WDR41: variants seen among roughly 807,000 people sequenced by gnomAD.
WDR41 encodes the protein WD repeat-containing protein 41.
In WDR41, 63 loss-of-function variants were observed where a neutral mutation model predicts 69.3. The observed-to-expected ratio is 0.91, with a 90% CI of 0.74 to 1.12. The LOEUF is 1.12. WDR41 is among the 50% of genes most tolerant of loss of function. The pLI, the probability that WDR41 is intolerant of heterozygous loss-of-function variation, is 0.00. For synonymous variants in WDR41, 185 were observed against 192.1 expected (o/e 0.96, Z 0.31); for missense variants, 543 against 534.5 (o/e 1.02, Z -0.16).
chr5:77,477,974 A>G (rs2112038109), intron 2 of WDR41, among the ~76,000 whole-genome samples: 1 of 151,880 alleles, frequency 6.6e-6, no homozygotes, highest in African/African-American at 2.4e-5. Flanking sequence ...TAGATGCAAT[A>G]AAAAATGATA....
At chr5:77,454,039 C>T (rs1799729204) in intron 5 of WDR41, 111 bp from the exon 6 acceptor site, 3 of 751,614 alleles carry the variant, frequency 4.0e-6, no homozygotes, top group Non-Finnish European at 4.5e-6. Context: ...CTAGGTGGAG[C>T]TTATTTCTCC....
intron 8 of WDR41, among the ~76,000 whole-genome samples, chr5:77,449,426 C>G (rs1799534376): frequency 6.6e-6 from 1 of 152,160 alleles, no homozygotes; most frequent in African/African-American, 2.4e-5. Context: ...TTTCCAATCT[C>G]TCTACAAAAG....
chr5:77,436,404 G>C lies in WDR41; in HGVS notation c.1094-10C>G, dbSNP rs374291603. On this transcript the variant is annotated splice_polypyrimidine_tract_variant and intron_variant, in intron 11 of 12. Transcript: ENST00000296679. Reference sequence around the variant, plus strand: ...CACATGTTAAAAAAACCTAGAAAAAGAATCATTTCCAAAATTACTGTGCTC... The same window carrying C: ...CACATGTTAAAAAAACCTAGAAAAACAATCATTTCCAAAATTACTGTGCTC... 6.2e-7 allele frequency: 1 copy of C among 1,613,286 alleles called. No individual in the cohort carries two copies. Among genetic ancestry groups the C allele is most frequent in the Non-Finnish European group, 8.5e-7 (1 of 1,179,624 alleles).
chr5:77,436,424 G>A (rs74697974), intron 11 of WDR41, 30 bp from the exon 12 acceptor site: 68,852 of 1,612,392 alleles, frequency 0.043, 1,695 homozygotes, highest in Middle Eastern at 0.084. Flanking sequence ...CAAAATTACT[G>A]TGCTCTGTAC....
chr5:77,449,200 G>T (rs1299752554), intron 8 of WDR41, among the ~76,000 whole-genome samples: 1 of 151,852 alleles, frequency 6.6e-6, no homozygotes, highest in Admixed American at 6.6e-5. Context: ...AATCATTTAG[G>T]AAGCCAAATA....
At chr5:77,443,269 T>C (rs1017004845) in intron 8 of WDR41, among the ~76,000 whole-genome samples, 8 of 152,200 alleles carry the variant, frequency 5.3e-5, no homozygotes, top group African/African-American at 1.9e-4. Context: ...TATTCCACAT[T>C]AATCGTATTA....
At chr5:77,548,324 C>CA (rs1443289552) in intron 1 of WDR41, among the ~76,000 whole-genome samples, 1 of 152,196 alleles carries the variant, frequency 6.6e-6, no homozygotes, top group East Asian at 1.9e-4. Flanking sequence ...GCAAAAGGAA[C>CA]AGTCAGCAGA....
chr5:77,602,921 G>A lies in WDR41; in HGVS notation c.42+17558C>T, dbSNP rs192869832. On this transcript the variant is annotated intron_variant, in intron 1 of 5. Coordinates refer to the WDR41 transcript ENST00000509971. ...TTCCCTTTTCTTTGCATCCTCACCA[G>A]CATCTGTTATTTTTTTGTCTTTTTT... is the stretch of plus-strand genomic sequence containing the variant. 1.4e-4 allele frequency among the ~76,000 whole-genome samples: 21 copies of A among 150,252 alleles called. 1 individual carries two copies. Among genetic ancestry groups the A allele is most frequent in the Admixed American group, 1.3e-3 (19 of 15,080 alleles).
intron 6 of WDR41, 78 bp from the exon 7 acceptor site, chr5:77,451,431 T>C: frequency 1.5e-6 from 2 of 1,351,110 alleles, no homozygotes; most frequent in East Asian, 4.6e-5. Context: ...CTCAGTTTTA[T>C]GTCAGTCGTT....
intron 1 of WDR41, among the ~76,000 whole-genome samples, chr5:77,489,946 G>T (rs1801695033): frequency 6.6e-6 from 1 of 152,118 alleles, no homozygotes; most frequent in African/African-American, 2.4e-5. Context: ...GTTAAAATGT[G>T]GCAGAAACAA....
At chr5:77,472,910 GA>G (rs1320919103) in intron 2 of WDR41, among the ~76,000 whole-genome samples, 12 of 152,040 alleles carry the variant, frequency 7.9e-5, no homozygotes, top group Admixed American at 2.0e-4. Flanking sequence ...CACAGAATTG[GA>G]AAAAACTACT....
At chr5:77,437,849 C>A (rs959160271) in intron 10 of WDR41, among the ~76,000 whole-genome samples, 5 of 152,152 alleles carry the variant, frequency 3.3e-5, no homozygotes, top group African/African-American at 1.2e-4. Context: ...GACAGGAAAC[C>A]ACTCACTTAG....
chr5:77,456,754 T>G (rs1271148051), intron 5 of WDR41, among the ~76,000 whole-genome samples: 1 of 152,168 alleles, frequency 6.6e-6, no homozygotes, highest in Non-Finnish European at 1.5e-5. Flanking sequence ...CAGGCTAGAG[T>G]GCAGTGGCAC....
Position 77,463,131 on chromosome 5 carries a change from TTGA to T in WDR41, c.309_311del (p.Asn103_Gln104delinsLys). The T allele has an allele frequency of 6.2e-7, 1 of 1,612,482 alleles. No homozygotes were observed. Among genetic ancestry groups the T allele is most frequent in the Non-Finnish European group, 8.5e-7 (1 of 1,179,294 alleles). On this transcript the variant is annotated inframe_deletion, in exon 4 of 13. Transcript: ENST00000296679. ...TATCAGCAGAGGCTGTCAAGATGAG[TTGA>T]TTTTTCTCTTCACAAGATTCCAAGG...
intron 1 of WDR41, among the ~76,000 whole-genome samples, chr5:77,548,398 A>G (rs1323150122): frequency 6.6e-6 from 1 of 152,246 alleles, no homozygotes; most frequent in African/African-American, 2.4e-5. Context: ...CAAAGGACTA[A>G]TATCCAGAAT....
At chr5:77,568,000 T>G (rs924454738) in intron 1 of WDR41, among the ~76,000 whole-genome samples, 2 of 152,138 alleles carry the variant, frequency 1.3e-5, no homozygotes, top group Admixed American at 6.6e-5. Flanking sequence ...ATCTTTTTTT[T>G]TCTTGTTCCA....
chr5:77,436,277 T>A lies in WDR41; in HGVS notation c.1211A>T (p.His404Leu), dbSNP rs752359591. 6.2e-7 allele frequency: 1 copy of A among 1,613,860 alleles called. No individual in the cohort carries two copies. Among genetic ancestry groups the A allele is most frequent in the South Asian group, 1.1e-5 (1 of 91,036 alleles). Reference protein sequence around the residue: ...SLELIGDLIGHSSSVEMFLYF... With the variant: ...SLELIGDLIGLSSSVEMFLYF... Reference sequence around the variant, plus strand: ...CAGCAATACCTCCACAGATGATGAGTGTCCAATCAAATCTCCAATAAGCTC... The same window carrying A: ...CAGCAATACCTCCACAGATGATGAGAGTCCAATCAAATCTCCAATAAGCTC... Residue 404 changes from histidine to leucine, a missense_variant, in exon 12 of 13, where the codon CAC becomes CTC. His to Leu is a moderately conservative substitution (Grantham distance 99). Transcript: ENST00000296679.
At chr5:77,619,660 T>C (rs1382811849) in intron 1 of WDR41, among the ~76,000 whole-genome samples, 4 of 152,130 alleles carry the variant, frequency 2.6e-5, no homozygotes, top group African/African-American at 7.2e-5. Context: ...AGAAGAAAAC[T>C]CAGGGCAGGA....
intron 2 of WDR41, among the ~76,000 whole-genome samples, chr5:77,474,241 C>T (rs1282176475): frequency 6.6e-6 from 1 of 151,860 alleles, no homozygotes; most frequent in Non-Finnish European, 1.5e-5. Context: ...ACAATGAGAA[C>T]ACATGGACCC....
Sources: gnomAD v4.1 joint callset for allele counts (sites outside exome capture counted in the v4.1 genomes callset) on GRCh38, gnomAD v4.1.1 for gene constraint, MANE v1.5 for transcripts, NCBI Gene and HGNC (gene_info 2026-07-23, HGNC 2026-07-21) for gene names.